TRHDE: variants seen among roughly 807,000 people sequenced by gnomAD.
The protein encoded by TRHDE is thyrotropin-releasing hormone-degrading ectoenzyme.
In TRHDE, 72 loss-of-function variants were observed where a neutral mutation model predicts 125.7. That is an observed-to-expected ratio of 0.57 (90% CI 0.47 to 0.70). The LOEUF (loss-of-function observed/expected upper bound fraction) is 0.70, where lower values mean the gene tolerates loss of function less well. Among genes scored for constraint, TRHDE ranks in the 30% least tolerant of loss-of-function variants. The pLI, the probability that TRHDE is intolerant of heterozygous loss-of-function variation, is 0.00. For missense variants in TRHDE, 1,110 were observed against 1,327.1 expected (o/e 0.84, Z 2.54); for synonymous variants, 509 against 509.1 (o/e 1.00, Z 0.00).
chr12:72,616,387 T>C lies in TRHDE; in HGVS notation c.2322-2504T>C, dbSNP rs543432828. 3.3e-5 allele frequency among the ~76,000 whole-genome samples: 5 copies of C among 152,168 alleles called. No individual in the cohort carries two copies. The South Asian group carries it at 1.0e-3, about 32-fold the overall frequency. ...GTAGATTAAATTGTAGATATATAGG[T>C]TAGATTAAAAGCTTTTCTGGACTAT... On this transcript the variant is annotated intron_variant, in intron 12 of 18. Transcript: ENST00000261180.
intron 2 of TRHDE, among the ~76,000 whole-genome samples, chr12:72,130,106 C>T (rs551330823): frequency 1.3e-5 from 2 of 151,930 alleles, no homozygotes; most frequent in Non-Finnish European, 2.9e-5. Context: ...TTGAGACCAG[C>T]CTGGCCAACA....
intron 2 of TRHDE, among the ~76,000 whole-genome samples, chr12:72,371,907 A>G (rs1871614405): frequency 6.6e-6 from 1 of 152,184 alleles, no homozygotes; most frequent in Admixed American, 6.5e-5. Context: ...GTATATTCCC[A>G]GTAATGGGAT....
chr12:72,585,627 A>G (rs942330942), intron 12 of TRHDE, among the ~76,000 whole-genome samples: 2 of 152,242 alleles, frequency 1.3e-5, no homozygotes, highest in Admixed American at 1.3e-4. Flanking sequence ...TAAAGAGGAC[A>G]GAAACTACTT....
At chr12:72,263,774 T>C (rs1449243290) in intron 2 of TRHDE, 1 of 152,114 alleles carries the variant, frequency 6.6e-6, no homozygotes, top group African/African-American at 2.4e-5. Flanking sequence ...TTAGCAAGCC[T>C]ATAAAAATAC....
intron 15 of TRHDE, among the ~76,000 whole-genome samples, chr12:72,652,071 T>C (rs1874529248): frequency 6.6e-6 from 1 of 151,990 alleles, no homozygotes; most frequent in Non-Finnish European, 1.5e-5. Flanking sequence ...CTATTTTTGT[T>C]TAAGTATAGT....
chr12:72,363,166 G>A (rs970191841), intron 2 of TRHDE, among the ~76,000 whole-genome samples: 2 of 151,594 alleles, frequency 1.3e-5, no homozygotes, highest in African/African-American at 4.8e-5. Context: ...AGTATGGATG[G>A]ATTCACAGCC....
rs1423199711 is a variant in TRHDE, at chr12:72,499,551, T to G, written c.1638T>G (p.Gly546=). 1 of 1,613,752 alleles carries G rather than the reference T, an allele frequency of 6.2e-7. No individual in the cohort carries two copies. Among genetic ancestry groups the G allele is most frequent in the Non-Finnish European group, 8.5e-7 (1 of 1,179,890 alleles). The change falls in exon 6 of 19, where the codon GGT becomes GGG. Residue 546 remains glycine (G), a synonymous_variant. Transcript: ENST00000261180. ...DVLHEVMLLD[G]LASSHPVSQE... ...TGCATGAAGTGATGCTGCTGGACGGTTTGGCCAGTTCCCATCCAGTATCAC... is the reference window on the plus strand; with the variant it reads ...TGCATGAAGTGATGCTGCTGGACGGGTTGGCCAGTTCCCATCCAGTATCAC...
At chr12:72,523,235 G>A (rs1000084215) in intron 6 of TRHDE, among the ~76,000 whole-genome samples, 2 of 151,902 alleles carry the variant, frequency 1.3e-5, no homozygotes, top group African/African-American at 2.4e-5. Flanking sequence ...TCATAAGAAA[G>A]TTAAGTTACT....
chr12:72,453,308 C>T (rs990383135), intron 3 of TRHDE, among the ~76,000 whole-genome samples: 3 of 152,046 alleles, frequency 2.0e-5, no homozygotes, highest in Middle Eastern at 3.2e-3. Context: ...GTGTAAATGC[C>T]CTAGGGATAT....
At chr12:72,265,722 A>T (rs1447726363) in intron 2 of TRHDE, among the ~76,000 whole-genome samples, 1 of 151,974 alleles carries the variant, frequency 6.6e-6, no homozygotes, top group Non-Finnish European at 1.5e-5. Context: ...TATTTGTTAT[A>T]TATACACATA....
At chr12:72,559,160 T>TA (rs1870058679) in intron 7 of TRHDE, among the ~76,000 whole-genome samples, 1 of 152,202 alleles carries the variant, frequency 6.6e-6, no homozygotes, top group African/African-American at 2.4e-5. Context: ...CCTTCTCAGT[T>TA]ACTCAGTTTT....
chr12:72,321,561 C>T (rs1418539921), intron 2 of TRHDE, among the ~76,000 whole-genome samples: 1 of 152,066 alleles, frequency 6.6e-6, no homozygotes, highest in East Asian at 1.9e-4. Flanking sequence ...AGGAAGAAGA[C>T]ATTTGTGAGT....
chr12:72,463,838 G>A (rs1349702238), intron 3 of TRHDE, among the ~76,000 whole-genome samples: 1 of 152,178 alleles, frequency 6.6e-6, no homozygotes, highest in Non-Finnish European at 1.5e-5. Context: ...TTATTCATCA[G>A]AAGGGTAATA....
chr12:72,508,514 A>G (rs1878447996), intron 6 of TRHDE, among the ~76,000 whole-genome samples: 1 of 152,142 alleles, frequency 6.6e-6, no homozygotes, highest in African/African-American at 2.4e-5. Flanking sequence ...TGTTTCAGCC[A>G]ATTTCTCCCT....
intron 7 of TRHDE, among the ~76,000 whole-genome samples, chr12:72,554,138 G>A (rs1181975986): frequency 2.0e-5 from 3 of 152,026 alleles, no homozygotes; most frequent in Admixed American, 6.6e-5. Context: ...GTGAGCCACC[G>A]CTCCCGGCCA....
At chr12:72,391,934 T>C (rs969040659) in intron 3 of TRHDE, among the ~76,000 whole-genome samples, 10 of 152,270 alleles carry the variant, frequency 6.6e-5, no homozygotes, top group African/African-American at 2.2e-4. Context: ...AGAGGGTAAC[T>C]GAGTGGTAAT....
At chr12:72,640,350 G>C (rs1356142330) in intron 15 of TRHDE, among the ~76,000 whole-genome samples, 1 of 152,194 alleles carries the variant, frequency 6.6e-6, no homozygotes, top group African/African-American at 2.4e-5. Flanking sequence ...GCAATGCCTC[G>C]CCCTGCTTTG....
chr12:72,515,874 C>G (rs1878826212), intron 6 of TRHDE, among the ~76,000 whole-genome samples: 1 of 149,320 alleles, frequency 6.7e-6, no homozygotes, highest in African/African-American at 2.5e-5. Flanking sequence ...AGCCAGTTTT[C>G]CCAGCACCAT....
intron 12 of TRHDE, among the ~76,000 whole-genome samples, chr12:72,595,021 C>A (rs950519745): frequency 1.4e-5 from 2 of 147,440 alleles, no homozygotes; most frequent in Admixed American, 1.4e-4. Context: ...GGACAAAAAA[C>A]CAAACACCGC....
Sources: allele counts gnomAD v4.1 joint callset (sites outside exome capture counted in the v4.1 genomes callset), GRCh38; gene constraint gnomAD v4.1.1; transcripts MANE v1.5; gene names NCBI Gene and HGNC (gene_info 2026-07-23, HGNC 2026-07-21).